THBS4: variants seen among roughly 807,000 people sequenced by gnomAD.
The protein encoded by THBS4 is thrombospondin 4.
Under a neutral mutation model 115.7 loss-of-function variants are expected in THBS4, and 90 were observed. The ratio of observed to expected loss-of-function variants is 0.78; its 90% CI spans 0.66 to 0.93. THBS4 has a LOEUF of 0.93. Ranked by LOEUF, THBS4 falls within the 40% of genes least tolerant of loss-of-function variation. THBS4 has a pLI of 0.00. For missense variants in THBS4, 1,087 were observed against 1,232.7 expected (o/e 0.88, Z 1.77); for synonymous variants, 460 against 479.3 (o/e 0.96, Z 0.53).
At chr5:80,063,808 C>T (rs1833719653) in intron 8 of THBS4, among the ~76,000 whole-genome samples, 1 of 152,190 alleles carries the variant, frequency 6.6e-6, no homozygotes, top group African/African-American at 2.4e-5. Flanking sequence ...AAGGGAGCCA[C>T]CTTGCTAAAT....
intron 1 of THBS4, among the ~76,000 whole-genome samples, chr5:80,038,961 C>T (rs1055987175): frequency 1.2e-4 from 18 of 152,226 alleles, no homozygotes; most frequent in African/African-American, 1.9e-4. Flanking sequence ...GAAAACAATA[C>T]GTTATTGTTT....
At chr5:80,018,471 T>A (rs1832295953) in intron 2 of THBS4, among the ~76,000 whole-genome samples, 1 of 147,376 alleles carries the variant, frequency 6.8e-6, no homozygotes, top group Non-Finnish European at 1.5e-5. Context: ...CTCGGCTCAC[T>A]GCAACCTCTG....
rs1288212502 is a variant in THBS4, at chr5:80,070,763, C to T, written c.1560+13C>T. On this transcript the variant is annotated intron_variant, in intron 12 of 21. Transcript: ENST00000350881. ...CCTGAATGAGCAGGTACCTGCTTCG[C>T]TGGGAGGGCCTGTGAATTGCCACGT... 2 of 1,612,448 alleles carry T rather than the reference C, an allele frequency of 1.2e-6. No individual in the cohort carries two copies. Among genetic ancestry groups the T allele is most frequent in the Non-Finnish European group, 1.7e-6 (2 of 1,178,606 alleles).
rs752685777 is a variant in THBS4, at chr5:80,059,764, G to T, written c.846G>T (p.Pro282=). The change falls in exon 7 of 22, where the codon CCG becomes CCT. Residue 282 remains proline (P), a synonymous_variant. Transcript: ENST00000350881. ...TGGTGCCCCCGGCTCCCCCTGCACC[G>T]CCAACACGCCCACCTCGTCGGTGTG... ...STVVPPAPPA[P]PTRPPRRCDS... 1.9e-6 allele frequency: 3 copies of T among 1,614,114 alleles called. No individual in the cohort carries two copies. In the Admixed American group the frequency reaches 5.0e-5, roughly 27 times the overall value.
intron 2 of THBS4, among the ~76,000 whole-genome samples, chr5:80,013,213 C>T (rs1832163400): frequency 6.6e-6 from 1 of 152,180 alleles, no homozygotes; most frequent in Admixed American, 6.5e-5. Context: ...AATCTTGGCT[C>T]ACTGCAACCT....
chr5:80,035,110 T>C (rs1388052450), upstream of THBS4, among the ~76,000 whole-genome samples: 1 of 152,040 alleles, frequency 6.6e-6, no homozygotes, highest in Non-Finnish European at 1.5e-5. This position sits in a 1 kb window ranked among gnomAD's most constrained non-coding sequence, Gnocchi z 4.6. Context: ...CAGCCCCGAC[T>C]GCCCATCTTC....
At chr5:80,050,906 C>T (rs1030001152) in intron 2 of THBS4, among the ~76,000 whole-genome samples, 14 of 152,306 alleles carry the variant, frequency 9.2e-5, no homozygotes, top group African/African-American at 2.9e-4. Context: ...TACCCAGTGA[C>T]TGTTTTCCTG....
At position 80,080,235 on chromosome 5, in the gene THBS4, G is replaced by C. The variant is rs527385289; in HGVS notation, c.2684+158G>C. The C allele has an allele frequency of 3.1e-4, 273 of 873,482 alleles. 6 individuals are homozygous for C. In the South Asian group the frequency reaches 4.3e-3, roughly 14 times the overall value. 54.1% of individuals were successfully genotyped at this position (873,482 alleles called of 1,614,324 possible). A position where few individuals can be genotyped will look rare whatever the true frequency, so the allele number is the denominator to read the frequency against. On this transcript the variant is annotated intron_variant, in intron 20 of 21. Coordinates refer to ENST00000350881, the MANE Select transcript of THBS4 (RefSeq NM_003248.6). The stretch of plus-strand genomic sequence containing the variant: ...CGCAGGATGGGGAACCTAGAAAAGA[G>C]GTGGGAGAGAAGATATTCAGGGTCA...
intron 1 of THBS4, among the ~76,000 whole-genome samples, chr5:79,996,524 T>G (rs1304065830): frequency 6.6e-6 from 1 of 152,192 alleles, no homozygotes; most frequent in Non-Finnish European, 1.5e-5. Flanking sequence ...AGCTTCAGCA[T>G]GATGGGGGCT....
At position 80,035,433 on chromosome 5, in the gene THBS4, C is replaced by T; in HGVS notation, c.-105C>T. The stretch of plus-strand genomic sequence containing the variant: ...GACGCCGAGCACGGGTCACCTGCGG[C>T]GCCGGCCCGGGCGCCGACCGAGGTT... On this transcript the variant is annotated 5_prime_UTR_variant, in exon 1 of 22. Transcript: ENST00000350881. The surrounding 1 kb of genome is among the most constrained non-coding windows in gnomAD (Gnocchi z 4.6). The T allele has an allele frequency of 1.4e-6, 1 of 737,956 alleles. No individual in the cohort carries two copies. The highest frequency in any genetic ancestry group is 1.8e-6 in the Non-Finnish European group (1 of 547,408). The allele number at this position is 737,956 out of a possible 1,614,324, so 45.7% of individuals were successfully genotyped here.
intron 2 of THBS4, among the ~76,000 whole-genome samples, chr5:80,053,955 G>A (rs138678444): frequency 1.9e-3 from 285 of 152,176 alleles, no homozygotes; most frequent in African/African-American, 6.4e-3. Flanking sequence ...GCTTCCAAGA[G>A]CAGATTTTAG....
rs150862893 is a variant in THBS4 at position 80,040,121 on chromosome 5, G to A, written c.133G>A (p.Ala45Thr). ...TTCCAGTCAGAGGCTAAACCCAGGCGCTCTGCTGCCAGTCCTGACAGACCC... is the reference window on the plus strand; with the variant it reads ...TTCCAGTCAGAGGCTAAACCCAGGCACTCTGCTGCCAGTCCTGACAGACCC... The part of the protein sequence containing the change: ...PSSSQRLNPG[A>T]LLPVLTDPAL... Residue 45 changes from alanine to threonine, a missense_variant, in exon 2 of 22, where the codon GCT becomes ACT. Transcript: ENST00000350881. 122 of 1,613,848 alleles carry A rather than the reference G, an allele frequency of 7.6e-5. No homozygotes were observed. In the African/African-American group the frequency reaches 8.3e-4, roughly 11 times the overall value.
intron 2 of THBS4, among the ~76,000 whole-genome samples, chr5:80,047,405 TTGTTTTC>T (rs1233463572): frequency 6.6e-6 from 1 of 152,120 alleles, no homozygotes; most frequent in Non-Finnish European, 1.5e-5. Context: ...TTTTTGTTTT[TTGTTTTC>T]TGTTTTTTGT....
chr5:80,038,303 TAC>T lies in THBS4; in HGVS notation c.89-1773_89-1772del, dbSNP rs544892641. Among the ~76,000 whole-genome samples the T allele has an allele frequency of 1.6e-3, 243 of 152,336 alleles. 1 individual carries two copies. Among genetic ancestry groups the T allele is most frequent in the African/African-American group, 5.6e-3 (232 of 41,586 alleles). ...TGCAAAAATATATTTCAAATGGAAT[TAC>T]GTTATACATATAGTTTTAGAATCCT... On this transcript the variant is annotated intron_variant, in intron 1 of 21. Transcript: ENST00000350881.
At chr5:80,027,996 C>T (rs1832514150) in intron 2 of THBS4, among the ~76,000 whole-genome samples, 1 of 151,850 alleles carries the variant, frequency 6.6e-6, no homozygotes, top group Non-Finnish European at 1.5e-5. Context: ...GTTCATATCT[C>T]TCCCACAGAG....
chr5:80,049,941 C>T (rs1343332596), intron 2 of THBS4, among the ~76,000 whole-genome samples: 1 of 152,120 alleles, frequency 6.6e-6, no homozygotes, highest in African/African-American at 2.4e-5. Flanking sequence ...CAGAGCAGCC[C>T]AGAGGTGGAG....
chr5:80,053,164 A>G (rs1342822791), intron 2 of THBS4: 2 of 152,248 alleles, frequency 1.3e-5, no homozygotes, highest in Admixed American at 6.5e-5. Context: ...ACATATATAT[A>G]CACATGCACA....
chr5:80,006,398 C>T (rs1832020173), intron 2 of THBS4, among the ~76,000 whole-genome samples: 2 of 152,204 alleles, frequency 1.3e-5, no homozygotes, highest in South Asian at 2.1e-4. Context: ...TGTCGTCATT[C>T]TCTCTTTGCC....
Position 80,071,131 on chromosome 5 carries a change from C to A in THBS4, c.1671C>A (p.Thr557=). Residue 557 remains threonine (T), a synonymous_variant, in exon 13 of 22, where the codon ACC becomes ACA. Transcript: ENST00000350881. ...TCTTAAATAACGACCAGAAAGACAC[C>A]GATGGGGATGGAAGAGGAGATGCCT... ...LSVLNNDQKD[T]DGDGRGDACD... The A allele has an allele frequency of 6.2e-7, 1 of 1,606,234 alleles. No individual in the cohort carries two copies. Among genetic ancestry groups the A allele is most frequent in the Non-Finnish European group, 8.5e-7 (1 of 1,177,924 alleles).
Sources: allele counts gnomAD v4.1 joint callset (sites outside exome capture counted in the v4.1 genomes callset), GRCh38; gene constraint gnomAD v4.1.1; non-coding constraint Gnocchi (gnomAD v3.1); transcripts MANE v1.5; gene names NCBI Gene and HGNC (gene_info 2026-07-23, HGNC 2026-07-21).